DNMT3A: variants seen among roughly 807,000 people sequenced by gnomAD.
DNMT3A encodes DNA methyltransferase 3 alpha.
Under a neutral mutation model 117.6 loss-of-function variants are expected in DNMT3A, and 267 were observed. The observed-to-expected ratio is 2.27, with a 90% confidence interval of 2.05 to 2.51. The LOEUF (loss-of-function observed/expected upper bound fraction) is 2.51. Among genes scored for constraint, DNMT3A ranks in the 30% most tolerant of loss-of-function variants. The probability of loss-of-function intolerance (pLI) is 0.00; values close to 1 mark genes in which losing one functional copy is unlikely to be tolerated. For synonymous variants in DNMT3A, 432 were observed against 474.8 expected, an observed-to-expected ratio of 0.91 and a Z score of 1.17; for missense variants, 1,029 against 1,260.2, an observed-to-expected ratio of 0.82 and a Z score of 2.78.
chr2:25,240,301 C>A lies in DNMT3A; in HGVS notation c.2322+1G>T, dbSNP rs903011938. On this transcript the variant is annotated splice_donor_variant, in intron 19 of 22. Coordinates refer to ENST00000321117, the MANE Select transcript of DNMT3A (RefSeq NM_022552.5). LOFTEE classifies it high-confidence loss of function. Reference sequence around the variant, plus strand: ...GGCCAAACCAAGGTTGCTGGCTATACCTCGAGAAATCGCGAGATGTCCCTC... The same window carrying A: ...GGCCAAACCAAGGTTGCTGGCTATAACTCGAGAAATCGCGAGATGTCCCTC... 2 of 1,614,032 alleles carry A rather than the reference C, an allele frequency of 1.2e-6. No homozygotes were observed. The highest frequency in any genetic ancestry group is 1.7e-6 in the Non-Finnish European group (2 of 1,179,952).
Position 25,281,686 on chromosome 2 carries a change from A to G in DNMT3A, c.448+755T>C. The G allele has an allele frequency of 1.9e-6, 2 of 1,065,836 alleles. No homozygotes were observed. The highest frequency in any genetic ancestry group is 1.1e-6 in the Non-Finnish European group (1 of 879,572). 66.0% of individuals were successfully genotyped at this position (1,065,836 alleles called of 1,614,324 possible). Reference sequence around the variant, plus strand: ...TTTGTAAACTGTGAAGCCCTGTACAAATGCTAGTTGTCCTCATTACTAACA... The same window carrying G: ...TTTGTAAACTGTGAAGCCCTGTACAGATGCTAGTTGTCCTCATTACTAACA... On this transcript the variant is annotated intron_variant, in intron 4 of 22. Transcript: ENST00000321117. The surrounding 1 kb of genome is among the most constrained non-coding windows in gnomAD (Gnocchi z 4.8).
intron 1 of DNMT3A, among the ~76,000 whole-genome samples, chr2:25,317,262 A>G (rs929991369): frequency 2.1e-5 from 3 of 143,700 alleles, no homozygotes; most frequent in African/African-American, 7.8e-5. Flanking sequence ...GGGTCTCCCT[A>G]TGTTGCCCAG....
Position 25,244,121 on chromosome 2 carries a change from G to T in DNMT3A, c.1851+34C>A, listed in dbSNP as rs766487285. The T allele has an allele frequency of 3.1e-6, 5 of 1,613,480 alleles. No homozygotes were observed. The African/African-American group carries it at 6.7e-5, about 22-fold the overall frequency. The stretch of plus-strand genomic sequence containing the variant: ...CCCCACAACCAAGGCTCAGCCAAGG[G>T]AGCTCGAGACCGCGCCCCAGGCCCA... On this transcript the variant is annotated intron_variant, in intron 15 of 22. Transcript: ENST00000321117.
At chr2:25,309,558 G>A (rs893291984) in intron 2 of DNMT3A, among the ~76,000 whole-genome samples, 1 of 152,094 alleles carries the variant, frequency 6.6e-6, no homozygotes, top group African/African-American at 2.4e-5. Context: ...CACCACCGGG[G>A]GGCACTGTTC....
At chr2:25,261,872 C>A (rs1676643960) in intron 6 of DNMT3A, among the ~76,000 whole-genome samples, 1 of 151,924 alleles carries the variant, frequency 6.6e-6, no homozygotes, top group South Asian at 2.1e-4. Flanking sequence ...TCCATGAGGA[C>A]CACCCTGGAA....
chr2:25,262,351 A>G (rs1676692522), intron 6 of DNMT3A, among the ~76,000 whole-genome samples: 1 of 152,122 alleles, frequency 6.6e-6, no homozygotes, highest in South Asian at 2.1e-4. Context: ...ACACACAAAC[A>G]CTAACCAATA....
intron 6 of DNMT3A, chr2:25,251,988 G>A: frequency 1.7e-6 from 1 of 586,034 alleles, no homozygotes; most frequent in South Asian, 2.4e-5. Context: ...TCGAGGAGTG[G>A]GGCCTTGGGG....
At chr2:25,253,872 G>A (rs917200713) in intron 6 of DNMT3A, among the ~76,000 whole-genome samples, 2 of 152,186 alleles carry the variant, frequency 1.3e-5, no homozygotes, top group African/African-American at 4.8e-5. Flanking sequence ...AGGAGTTTGA[G>A]ACCGGCCTGA....
chr2:25,313,209 TCTC>T (rs1558734558), intron 2 of DNMT3A, among the ~76,000 whole-genome samples: 1 of 152,032 alleles, frequency 6.6e-6, no homozygotes, highest in African/African-American at 2.4e-5. Context: ...TCTGATGTAA[TCTC>T]CTCTGACTGA....
At chr2:25,313,790 A>G in intron 2 of DNMT3A, 123 bp downstream of exon 2, 3 of 1,432,342 alleles carry the variant, frequency 2.1e-6, no homozygotes, top group Non-Finnish European at 2.8e-6. Context: ...ATGGTCCCAC[A>G]CCCTGTCGTG....
rs1645228725 is a variant in DNMT3A, at chr2:25,286,427, C to T, written c.178-3716G>A. On this transcript the variant is annotated intron_variant, in intron 3 of 22. Coordinates refer to ENST00000321117, the MANE Select transcript of DNMT3A (RefSeq NM_022552.5). This position sits in a 1 kb window ranked among gnomAD's most constrained non-coding sequence, Gnocchi z 4.3. The stretch of plus-strand genomic sequence containing the variant: ...GCACATTTCCAGCCCCGGGTTAGCT[C>T]ACCCGCTGAAATCCCCACTCCCGCA... 6.6e-6 allele frequency among the ~76,000 whole-genome samples: 1 copy of T among 152,232 alleles called. No individual in the cohort carries two copies. The highest frequency in any genetic ancestry group is 2.4e-5 in the African/African-American group (1 of 41,468).
chr2:25,285,688 C>G (rs566798298), intron 3 of DNMT3A, among the ~76,000 whole-genome samples: 1 of 152,230 alleles, frequency 6.6e-6, no homozygotes, highest in Non-Finnish European at 1.5e-5. Flanking sequence ...GAAAGTGGAA[C>G]GGCAGACCCC....
intron 2 of DNMT3A, among the ~76,000 whole-genome samples, chr2:25,303,732 A>G (rs931433522): frequency 6.6e-6 from 1 of 152,276 alleles, no homozygotes; most frequent in African/African-American, 2.4e-5. Flanking sequence ...CTCTTCTGCC[A>G]ACTCTTCCGC....
At position 25,239,294 on chromosome 2, in the gene DNMT3A, T is replaced by TAAAGCCTC. The variant is rs1397127571; in HGVS notation, c.2323-87_2323-80dup. 8.4e-6 allele frequency: 11 copies of TAAAGCCTC among 1,316,322 alleles called. No homozygotes were observed. The South Asian group carries it at 1.1e-4, about 13-fold the overall frequency. The allele number at this position is 1,316,322 out of a possible 1,614,324, so 81.5% of individuals were successfully genotyped here. ...CCGGCATGCTGCTGGGGTCGAGCCT[T>TAAAGCCTC]AAAGCCTCAAAGCCTCTTACTTCTC... On this transcript the variant is annotated intron_variant, in intron 19 of 22. Coordinates refer to ENST00000321117, the MANE Select transcript of DNMT3A (RefSeq NM_022552.5).
intron 6 of DNMT3A, among the ~76,000 whole-genome samples, chr2:25,264,130 T>TG (rs1558689600): frequency 7.5e-6 from 1 of 133,308 alleles, no homozygotes; most frequent in East Asian, 2.1e-4. Context: ...GACAACCCTT[T>TG]GGTTTTTTTT....
rs2032912052 is a variant in DNMT3A at position 25,293,557 on chromosome 2, T to C, written c.177+6582A>G. ...CAGCTGGAGTGCAGTGACACAATTATGGCTCACTGCAGCCTCAACCTCCCG... is the reference window on the plus strand; with the variant it reads ...CAGCTGGAGTGCAGTGACACAATTACGGCTCACTGCAGCCTCAACCTCCCG... On this transcript the variant is annotated intron_variant, in intron 3 of 22. Coordinates refer to ENST00000321117, the MANE Select transcript of DNMT3A (RefSeq NM_022552.5). The surrounding 1 kb of genome is among the most constrained non-coding windows in gnomAD (Gnocchi z 4.7). 1.3e-5 allele frequency among the ~76,000 whole-genome samples: 2 copies of C among 152,104 alleles called. No individual in the cohort carries two copies. The highest frequency in any genetic ancestry group is 4.8e-5 in the African/African-American group (2 of 41,416).
intron 6 of DNMT3A, among the ~76,000 whole-genome samples, chr2:25,259,892 C>T (rs771738110): frequency 4.6e-5 from 7 of 152,224 alleles, no homozygotes; most frequent in Non-Finnish European, 1.0e-4. Context: ...GGACCCCTGC[C>T]ATCTCCATCC....
At chr2:25,235,052 C>T (rs769473432) in intron 22 of DNMT3A, among the ~76,000 whole-genome samples, 9 of 152,114 alleles carry the variant, frequency 5.9e-5, no homozygotes, top group Non-Finnish European at 1.2e-4. Flanking sequence ...TCTGCCTGGC[C>T]CTATGCTGGC....
chr2:25,312,703 A>G (rs1231319938), intron 2 of DNMT3A, among the ~76,000 whole-genome samples: 3 of 152,196 alleles, frequency 2.0e-5, no homozygotes, highest in Admixed American at 2.0e-4. Flanking sequence ...GACCAAATAG[A>G]ACCATTGATG....
Sources: allele counts gnomAD v4.1 joint callset (sites outside exome capture counted in the v4.1 genomes callset), GRCh38; gene constraint gnomAD v4.1.1; non-coding constraint Gnocchi (gnomAD v3.1); transcripts MANE v1.5; gene names NCBI Gene and HGNC (gene_info 2026-07-23, HGNC 2026-07-21).